Variants in TTLL4 observed in about 807,000 individuals in gnomAD.
TTLL4 encodes the protein tubulin tyrosine ligase like 4, also known as tubulin monoglutamylase TTLL4.
In TTLL4, 85 loss-of-function variants were observed where a neutral mutation model predicts 122.7. The observed-to-expected ratio is 0.69, with a 90% CI of 0.58 to 0.83. The LOEUF (loss-of-function observed/expected upper bound fraction) is 0.83. Ranked by LOEUF, TTLL4 falls within the 40% of genes least tolerant of loss-of-function variation. The pLI is 0.00. For synonymous variants in TTLL4, 553 were observed against 563.0 expected (o/e 0.98, Z 0.25); for missense variants, 1,363 against 1,488.6 (o/e 0.92, Z 1.39).
At chr2:218,729,419 C>T (rs1942292395) in intron 2 of TTLL4, among the ~76,000 whole-genome samples, 1 of 151,920 alleles carries the variant, frequency 6.6e-6, no homozygotes, top group African/African-American at 2.4e-5. Context: ...CCTCTTCATA[C>T]TTGAGTTCTG....
intron 1 of TTLL4, among the ~76,000 whole-genome samples, chr2:218,717,005 CT>C (rs948103365): frequency 2.0e-5 from 3 of 150,650 alleles, no homozygotes; most frequent in Non-Finnish European, 3.0e-5. Context: ...TTTTCTTTTT[CT>C]TTTTTTTTGT....
At chr2:218,731,121 A>AAT (rs1553608514) in intron 2 of TTLL4, among the ~76,000 whole-genome samples, 2,343 of 150,732 alleles carry the variant, frequency 0.016, 61 homozygotes, top group African/African-American at 0.054. Flanking sequence ...AAAAAAAAAA[A>AAT]AAGAATTGGC....
intron 2 of TTLL4, among the ~76,000 whole-genome samples, chr2:218,728,921 ATTTTT>A (rs1191716175): frequency 2.9e-5 from 2 of 69,210 alleles, no homozygotes; most frequent in Non-Finnish European, 3.0e-5. Flanking sequence ...CTGGTGGTCT[ATTTTT>A]TTTTTTTTTT....
intron 1 of TTLL4, among the ~76,000 whole-genome samples, chr2:218,727,058 C>T (rs1942220043): frequency 6.6e-6 from 1 of 152,152 alleles, no homozygotes; most frequent in African/African-American, 2.4e-5. Flanking sequence ...ATCCACCCAC[C>T]TCGGCCTCCC....
intron 1 of TTLL4, among the ~76,000 whole-genome samples, chr2:218,715,975 G>A (rs560003815): frequency 6.6e-6 from 1 of 152,146 alleles, no homozygotes. Flanking sequence ...GGGACTATCT[G>A]TTGACTGAAA....
At chr2:218,729,177 G>T (rs768526788) in intron 2 of TTLL4, among the ~76,000 whole-genome samples, 56 of 152,022 alleles carry the variant, frequency 3.7e-4, no homozygotes, top group Non-Finnish European at 6.9e-4. Flanking sequence ...CAGGTGATCC[G>T]TCTGCCTCGG....
downstream of TTLL4, among the ~76,000 whole-genome samples, chr2:218,758,835 A>G (rs1943194262): frequency 6.6e-6 from 1 of 152,234 alleles, no homozygotes; most frequent in Non-Finnish European, 1.5e-5. Context: ...TTGCAGGCAA[A>G]TGTTCATAGC....
At chr2:218,722,495 A>G (rs1050045582) in intron 1 of TTLL4, among the ~76,000 whole-genome samples, 1 of 152,204 alleles carries the variant, frequency 6.6e-6, no homozygotes, top group African/African-American at 2.4e-5. Flanking sequence ...AGGATTGACA[A>G]GGAAGGCCTT....
chr2:218,746,442 T>G, intron 8 of TTLL4: 1 of 557,988 alleles, frequency 1.8e-6, no homozygotes, highest in Non-Finnish European at 3.2e-6. Context: ...ATCTTGGAGT[T>G]TCTTGCCTAT....
chr2:218,711,130 G>C (rs1358714391), intron 1 of TTLL4, 93 bp downstream of exon 1: 1 of 152,334 alleles, frequency 6.6e-6, no homozygotes, highest in Non-Finnish European at 1.5e-5. Flanking sequence ...TTTCGCGCGG[G>C]TCCCCAGCCC....
Position 218,737,894 on chromosome 2 carries a change from G to A in TTLL4, c.218G>A (p.Gly73Asp). 1.2e-6 allele frequency: 2 copies of A among 1,614,188 alleles called. No homozygotes were observed. Among genetic ancestry groups the A allele is most frequent in the Non-Finnish European group, 1.7e-6 (2 of 1,180,036 alleles). ...LSAGLGPGLLGVPPQPAYFFC... is the reference protein window; with the variant it reads ...LSAGLGPGLLDVPPQPAYFFC... ...GCAGGGTTGGGCCCAGGCCTCTTGG[G>A]CGTCCCACCCCAGCCAGCATATTTC... The change falls in exon 3 of 20, where the codon GGC becomes GAC. Residue 73 changes from glycine to aspartate, a missense_variant. Gly to Asp is a moderately conservative substitution (Grantham distance 94). This residue lies in a region of TTLL4 where 760 missense variants were observed against 808.4 expected (regional missense o/e 0.94). Coordinates refer to ENST00000392102, the MANE Select transcript of TTLL4 (RefSeq NM_014640.5).
intron 5 of TTLL4, among the ~76,000 whole-genome samples, chr2:218,743,778 C>G (rs1007072513): frequency 6.6e-6 from 1 of 152,132 alleles, no homozygotes; most frequent in South Asian, 2.1e-4. Context: ...CTCCTGGGTT[C>G]AAGCAATTCT....
chr2:218,742,446 C>A (rs1942728230), intron 5 of TTLL4, among the ~76,000 whole-genome samples: 1 of 152,146 alleles, frequency 6.6e-6, no homozygotes, highest in Admixed American at 6.5e-5. Context: ...CTTTACACAG[C>A]AGTACTTTCA....
intron 14 of TTLL4, among the ~76,000 whole-genome samples, chr2:218,749,759 G>T (rs1313493392): frequency 6.6e-6 from 1 of 152,034 alleles, no homozygotes; most frequent in East Asian, 1.9e-4. Flanking sequence ...GAGCCACCAC[G>T]CCCAGCCAGT....
Position 218,745,783 on chromosome 2 carries a change from C to G in TTLL4, c.1879C>G (p.His627Asp). The G allele has an allele frequency of 6.2e-7, 1 of 1,613,382 alleles. No homozygotes were observed. The change falls in exon 7 of 20, where the codon CAC (histidine) becomes GAC (aspartate). Residue 627 changes from histidine to aspartate, a missense_variant. Coordinates refer to ENST00000392102, the MANE Select transcript of TTLL4 (RefSeq NM_014640.5). ...TGTCAAGCAGACCATTGGACGGTCCCACTTCAAAATCAGCAAAAGTGAGTT... is the reference window on the plus strand; with the variant it reads ...TGTCAAGCAGACCATTGGACGGTCCGACTTCAAAATCAGCAAAAGTGAGTT... The part of the protein sequence containing the change: ...NIVKQTIGRS[H>D]FKISKRNDDW...
At chr2:218,740,917 A>G (rs1206239265) in intron 5 of TTLL4, among the ~76,000 whole-genome samples, 1 of 152,142 alleles carries the variant, frequency 6.6e-6, no homozygotes, top group Non-Finnish European at 1.5e-5. Flanking sequence ...TACTAAAAAT[A>G]TAAAAATTAG....
chr2:218,748,107 A>G lies in TTLL4; in HGVS notation c.2381A>G (p.Tyr794Cys), dbSNP rs1210158485. 1 of 1,614,094 alleles carries G rather than the reference A, an allele frequency of 6.2e-7. No individual in the cohort carries two copies. Among genetic ancestry groups the G allele is most frequent in the Non-Finnish European group, 8.5e-7 (1 of 1,180,000 alleles). The change falls in exon 12 of 20, where the codon TAT (tyrosine) becomes TGT (cysteine). Residue 794 changes from tyrosine (Y) to cysteine (C), a missense_variant and splice_region_variant. Around this residue, in one of 3 missense-constraint regions of TTLL4, gnomAD observed 596 missense variants for 655.8 expected, o/e 0.91. Transcript: ENST00000392102. ...GCCTTTTGTTTCCTTACTTCCAGGTATTCGCCTTCCATGAAGAGCCTTGGC... is the reference window on the plus strand; with the variant it reads ...GCCTTTTGTTTCCTTACTTCCAGGTGTTCGCCTTCCATGAAGAGCCTTGGC... Reference protein sequence around the residue: ...DGLVRFASCKYSPSMKSLGNK... With the variant: ...DGLVRFASCKCSPSMKSLGNK...
intron 12 of TTLL4, 197 bp downstream of exon 12, chr2:218,748,424 G>T: frequency 3.7e-6 from 3 of 804,640 alleles, no homozygotes; most frequent in East Asian, 6.2e-5. Context: ...GGAGGCCAAG[G>T]TGGGTGGATC....
intron 1 of TTLL4, among the ~76,000 whole-genome samples, chr2:218,726,623 A>C (rs1323122330): frequency 6.6e-6 from 1 of 151,498 alleles, no homozygotes; most frequent in Admixed American, 6.6e-5. Context: ...GTGCCACCAC[A>C]TCCAGCTAAT....
Sources: allele counts gnomAD v4.1 joint callset (sites outside exome capture counted in the v4.1 genomes callset), GRCh38; gene constraint gnomAD v4.1.1; regional missense constraint gnomAD v4.1.1; transcripts MANE v1.5; gene names NCBI Gene and HGNC (gene_info 2026-07-23, HGNC 2026-07-21).